Variants in BABAM2 observed in about 807,000 individuals in gnomAD.
The protein encoded by BABAM2 is BRISC and BRCA1-A complex member 2.
A neutral mutation model predicts 54.7 loss-of-function variants in BABAM2; 31 were observed. The ratio of observed to expected loss-of-function variants is 0.57; its 90% CI spans 0.43 to 0.77. The LOEUF (loss-of-function observed/expected upper bound fraction) is 0.77. Among genes scored for constraint, BABAM2 ranks in the 30% least tolerant of loss-of-function variants. The pLI, the probability that BABAM2 is intolerant of heterozygous loss-of-function variation, is 0.00. For missense variants in BABAM2, 364 were observed against 455.8 expected (o/e 0.80, Z 1.83); for synonymous variants, 167 against 162.9 (o/e 1.03, Z -0.19).
In BABAM2 at chr2:28,026,989, A is replaced by ATATATAT. The variant is rs1558668326; in HGVS notation, c.495+1569_495+1570insTATATAT. 2.9e-3 allele frequency among the ~76,000 whole-genome samples: 322 copies of ATATATAT among 109,968 alleles called. 4 individuals carry two copies. The highest frequency in any genetic ancestry group is 6.1e-3 in the South Asian group (23 of 3,784). The allele number at this position is 109,968 out of a possible 152,430, so 72.1% of individuals were successfully genotyped here. On this transcript the variant is annotated intron_variant, in intron 5 of 11. Transcript: ENST00000379624. The stretch of plus-strand genomic sequence containing the variant: ...ATATATAAATATATAAATATATATA[A>ATATATAT]AAATATATAAATATATATATAAAAG...
intron 11 of BABAM2, among the ~76,000 whole-genome samples, chr2:28,332,643 G>A (rs534078545): frequency 5.9e-5 from 9 of 152,270 alleles, no homozygotes; most frequent in African/African-American, 2.2e-4. Context: ...CCCTGCTCTT[G>A]GCAGCCGGAG....
intron 11 of BABAM2, among the ~76,000 whole-genome samples, chr2:28,334,248 T>C (rs1420168582): frequency 6.6e-6 from 1 of 152,282 alleles, no homozygotes; most frequent in Non-Finnish European, 1.5e-5. Context: ...TGCAATGTTG[T>C]AGCCCCTTCC....
intron 7 of BABAM2, among the ~76,000 whole-genome samples, chr2:28,228,196 C>A (rs1681061381): frequency 6.6e-6 from 1 of 152,246 alleles, no homozygotes; most frequent in Non-Finnish European, 1.5e-5. Flanking sequence ...TACAGATTGA[C>A]TTCTTGAACA....
chr2:28,132,976 C>CTG (rs1158857924), intron 7 of BABAM2, among the ~76,000 whole-genome samples: 1 of 152,164 alleles, frequency 6.6e-6, no homozygotes, highest in Non-Finnish European at 1.5e-5. Flanking sequence ...AAATGCCTCA[C>CTG]TGAAAGGTCT....
At chr2:28,267,249 G>A (rs1685058286) in intron 10 of BABAM2, among the ~76,000 whole-genome samples, 1 of 152,082 alleles carries the variant, frequency 6.6e-6, no homozygotes, top group Non-Finnish European at 1.5e-5. Context: ...AACAACTGTA[G>A]TACAATATCA....
intron 7 of BABAM2, among the ~76,000 whole-genome samples, chr2:28,200,158 T>C (rs1678104902): frequency 6.6e-6 from 1 of 152,202 alleles, no homozygotes; most frequent in Non-Finnish European, 1.5e-5. Flanking sequence ...TGATTGACAG[T>C]GAACAACACT....
At chr2:28,075,557 C>CGT (rs1558312654) in intron 6 of BABAM2, among the ~76,000 whole-genome samples, 11 of 147,528 alleles carry the variant, frequency 7.5e-5, no homozygotes, top group African/African-American at 2.6e-4. Flanking sequence ...TTTCTCTGTG[C>CGT]ATGTGTGTGT....
intron 7 of BABAM2, among the ~76,000 whole-genome samples, chr2:28,160,580 C>G (rs765441078): frequency 2.0e-5 from 3 of 151,902 alleles, no homozygotes; most frequent in African/African-American, 7.3e-5. Flanking sequence ...TGTATTATCT[C>G]TCATTATTCC....
At chr2:28,081,109 C>T (rs1665130462) in intron 6 of BABAM2, among the ~76,000 whole-genome samples, 1 of 152,176 alleles carries the variant, frequency 6.6e-6, no homozygotes, top group Non-Finnish European at 1.5e-5. Flanking sequence ...ACAAAACAAT[C>T]TTCCTATAGC....
At chr2:27,944,244 A>G (rs767282465) in intron 3 of BABAM2, among the ~76,000 whole-genome samples, 2 of 152,194 alleles carry the variant, frequency 1.3e-5, no homozygotes, top group African/African-American at 4.8e-5. Context: ...TGTAATTTAC[A>G]TATAATAAAA....
chr2:27,976,091 A>G (rs1467722323), intron 3 of BABAM2, among the ~76,000 whole-genome samples: 1 of 152,094 alleles, frequency 6.6e-6, no homozygotes, highest in Non-Finnish European at 1.5e-5. Flanking sequence ...AGAAACTGGA[A>G]CTCTCATGCG....
intron 7 of BABAM2, among the ~76,000 whole-genome samples, chr2:28,183,742 C>CACACACACACACACAT (rs1675908416): frequency 6.7e-6 from 1 of 148,632 alleles, no homozygotes; most frequent in Admixed American, 6.6e-5. Context: ...ATGAAGATCA[C>CACACACACACACACAT]ACACACACAC....
chr2:28,070,551 C>CTTTTTT (rs779324534), intron 6 of BABAM2, among the ~76,000 whole-genome samples: 1,116 of 85,622 alleles, frequency 0.013, 25 homozygotes, highest in African/African-American at 0.032. Context: ...AAGTACTTTT[C>CTTTTTT]TTTTCTTTTT....
At chr2:28,272,153 T>C (rs1348740723) in intron 10 of BABAM2, among the ~76,000 whole-genome samples, 3 of 152,218 alleles carry the variant, frequency 2.0e-5, no homozygotes, top group Non-Finnish European at 4.4e-5. Flanking sequence ...TTCTGGGATT[T>C]AGACCAGCTT....
At chr2:28,298,608 A>C in intron 11 of BABAM2, 117 bp downstream of exon 11, 1 of 1,265,796 alleles carries the variant, frequency 7.9e-7, no homozygotes, top group Non-Finnish European at 1.1e-6. Flanking sequence ...TTGTAAATAA[A>C]GTTTTATAGA....
intron 7 of BABAM2, among the ~76,000 whole-genome samples, chr2:28,155,244 A>G (rs931219125): frequency 5.9e-5 from 9 of 152,254 alleles, no homozygotes; most frequent in African/African-American, 2.2e-4. Context: ...TATTATCACA[A>G]TCTTTACCCT....
chr2:27,979,422 ATATGAG>A (rs1671847043), intron 3 of BABAM2, among the ~76,000 whole-genome samples: 1 of 152,010 alleles, frequency 6.6e-6, no homozygotes, highest in Non-Finnish European at 1.5e-5. Flanking sequence ...TGCAATGAAC[ATATGAG>A]TATATGTGTT....
At position 28,185,787 on chromosome 2, in the gene BABAM2, A is replaced by T. The variant is rs527573538; in HGVS notation, c.681-51415A>T. On this transcript the variant is annotated intron_variant, in intron 7 of 11. Transcript: ENST00000379624. Reference sequence around the variant, plus strand: ...TTTATGAAAATTAGAGACATTGTTTAATCTTCTTGTGCCATGAGACTCCAT... The same window carrying T: ...TTTATGAAAATTAGAGACATTGTTTTATCTTCTTGTGCCATGAGACTCCAT... Among the ~76,000 whole-genome samples the T allele has an allele frequency of 5.0e-4, 76 of 151,938 alleles. 2 individuals carry two copies. Among genetic ancestry groups the T allele is most frequent in the African/African-American group, 1.8e-3 (73 of 41,416 alleles).
chr2:28,235,398 A>G (rs976461140), intron 7 of BABAM2, among the ~76,000 whole-genome samples: 1 of 151,956 alleles, frequency 6.6e-6, no homozygotes, highest in African/African-American at 2.4e-5. Flanking sequence ...AATGGTCTCG[A>G]TCTCTTGACC....
Sources: gnomAD v4.1 joint callset for allele counts (sites outside exome capture counted in the v4.1 genomes callset) on GRCh38, gnomAD v4.1.1 for gene constraint, MANE v1.5 for transcripts, NCBI Gene and HGNC (gene_info 2026-07-23, HGNC 2026-07-21) for gene names.